The following FANCD2 variants were observed in gnomAD, a reference collection of about 807,000 sequenced individuals.
FANCD2 encodes the protein FA complementation group D2, also known as Fanconi anemia group D2 protein.
In FANCD2, 131 loss-of-function variants were observed where a neutral mutation model predicts 192.3. The ratio of observed to expected loss-of-function variants is 0.68; its 90% CI spans 0.59 to 0.79. The LOEUF (loss-of-function observed/expected upper bound fraction) is 0.79, where lower values mean the gene tolerates loss of function less well. Ranked by LOEUF, FANCD2 falls within the 30% of genes least tolerant of loss-of-function variation. FANCD2 has a pLI of 0.00. For synonymous variants in FANCD2, 524 were observed against 612.5 expected, an observed-to-expected ratio of 0.86 and a Z score of 2.13; for missense variants, 1,508 against 1,701.6, an observed-to-expected ratio of 0.89 and a Z score of 2.00.
chr3:10,063,769 A>G, intron 20 of FANCD2, 23 bp from the exon 21 acceptor site: 1 of 1,614,030 alleles, frequency 6.2e-7, no homozygotes. Flanking sequence ...CAAGGTTTAA[A>G]CCATTCTTCC....
At chr3:10,080,346 A>G (rs1043752099) in intron 30 of FANCD2, among the ~76,000 whole-genome samples, 3 of 152,114 alleles carry the variant, frequency 2.0e-5, no homozygotes, top group Non-Finnish European at 2.9e-5. Flanking sequence ...TAATCCTCCT[A>G]TCTCAGCCTC....
chr3:10,093,474 T>C (rs917682817), intron 39 of FANCD2, 151 bp downstream of exon 39: 3 of 753,650 alleles, frequency 4.0e-6, no homozygotes, highest in Non-Finnish European at 7.2e-6. Flanking sequence ...GGATGCATTT[T>C]CCCACCCTAG....
At position 10,060,379 on chromosome 3, in the gene FANCD2, T is replaced by C; in HGVS notation, c.1742T>C (p.Met581Thr). The change falls in exon 19 of 44, where the codon ATG becomes ACG. Residue 581 changes from methionine (M) to threonine (T), a missense_variant. Physicochemically the swap from Met to Thr is moderately conservative, Grantham distance 81. Around this residue, in one of 5 missense-constraint regions of FANCD2, gnomAD observed 110 missense variants for 114.4 expected, o/e 0.96. Transcript: ENST00000675286. ...KLIGIIGAVT[M>T]AGIMAADRSE... is the part of the protein sequence containing the mutation. ...ATTGGGATTATTGGTGCTGTGACCA[T>C]GGCTGGCATCATGGCGGCAGACAGG... The C allele has an allele frequency of 6.2e-7, 1 of 1,613,966 alleles. No homozygotes were observed.
intron 42 of FANCD2, among the ~76,000 whole-genome samples, chr3:10,096,879 A>C (rs1694997780): frequency 6.6e-6 from 1 of 152,190 alleles, no homozygotes. Flanking sequence ...ATTACAAATT[A>C]ATCTCTTATT....
intron 28 of FANCD2, 51 bp from the exon 29 acceptor site, chr3:10,074,479 A>G: frequency 1.3e-6 from 2 of 1,506,396 alleles, no homozygotes; most frequent in Non-Finnish European, 1.8e-6. Context: ...TTAAAATTCG[A>G]TTAATATAGA....
chr3:10,041,377 C>T, intron 9 of FANCD2: 1 of 428,736 alleles, frequency 2.3e-6, no homozygotes, highest in Non-Finnish European at 4.3e-6. Context: ...GTGGTGTTCT[C>T]TGGGTAGTGG....
In FANCD2 at chr3:10,087,140, C is replaced by T. The variant is rs953039787; in HGVS notation, c.3342C>T (p.Ser1114=). The part of the protein sequence containing the change: ...SQPLEELLSQ[S]VHYLQNFHQS... The stretch of plus-strand genomic sequence containing the variant: ...TTTTCTTGTCTCCTTACAGCCAGAG[C>T]GTCCATTACTTGCAGAATTTCCATC... Residue 1114 remains serine (S), a synonymous_variant, in exon 34 of 44, where the codon AGC becomes AGT. Coordinates refer to ENST00000675286, the MANE Select transcript of FANCD2 (RefSeq NM_001018115.3). The T allele has an allele frequency of 3.1e-6, 5 of 1,613,974 alleles. No homozygotes were observed. Among genetic ancestry groups the T allele is most frequent in the African/African-American group, 2.7e-5 (2 of 75,034 alleles).
intron 18 of FANCD2, among the ~76,000 whole-genome samples, chr3:10,054,369 G>GTA (rs1559383039): frequency 1.7e-4 from 13 of 77,838 alleles, no homozygotes; most frequent in African/African-American, 1.3e-3. Context: ...ATATATATAC[G>GTA]TGTATATACA....
intron 18 of FANCD2, among the ~76,000 whole-genome samples, chr3:10,054,912 A>G (rs2087364300): frequency 6.6e-6 from 1 of 151,982 alleles, no homozygotes; most frequent in African/African-American, 2.4e-5. Context: ...CAAAACATAT[A>G]GAAGAGTATT....
At chr3:10,033,775 A>G (rs1396680689) in intron 3 of FANCD2, among the ~76,000 whole-genome samples, 1 of 48,846 alleles carries the variant, frequency 2.0e-5, no homozygotes, top group East Asian at 6.4e-4. Context: ...ATCTCTGCTC[A>G]CTGCAAGCTC....
rs2087247418 is a variant in FANCD2 at position 10,052,500 on chromosome 3, A to G, written c.1656+3A>G. ...ATGAAGCCAGCAGCCACATCCAGGTAAGAGGCAATATGTTGGGAAAGATTT... is the reference window on the plus strand; with the variant it reads ...ATGAAGCCAGCAGCCACATCCAGGTGAGAGGCAATATGTTGGGAAAGATTT... On this transcript the variant is annotated splice_donor_region_variant and intron_variant, in intron 18 of 43. Coordinates refer to ENST00000675286, the MANE Select transcript of FANCD2 (RefSeq NM_001018115.3). The G allele has an allele frequency of 5.6e-6, 9 of 1,597,288 alleles. No individual in the cohort carries two copies. The highest frequency in any genetic ancestry group is 7.7e-6 in the Non-Finnish European group (9 of 1,167,002).
rs1327307891 is a variant in FANCD2, at chr3:10,095,291, G to A, written c.4038+17G>A. ...CATTCCAAGGTAAGAAGGGGAGCAG[G>A]TTCTATCAGCAGCCTGCCTGTTGGC... is the stretch of plus-strand genomic sequence containing the variant. On this transcript the variant is annotated intron_variant, in intron 41 of 43. Coordinates refer to ENST00000675286, the MANE Select transcript of FANCD2 (RefSeq NM_001018115.3). 6.2e-7 allele frequency: 1 copy of A among 1,610,444 alleles called. No individual in the cohort carries two copies. Among genetic ancestry groups the A allele is most frequent in the African/African-American group, 1.3e-5 (1 of 74,970 alleles).
chr3:10,065,252 G>A (rs961988230), intron 23 of FANCD2, 142 bp from the exon 24 acceptor site: 21 of 694,750 alleles, frequency 3.0e-5, no homozygotes, highest in Non-Finnish European at 4.7e-5. Flanking sequence ...TCGTGCCACT[G>A]CACTCCAGAC....
At chr3:10,062,090 G>T in intron 19 of FANCD2, 61 bp from the exon 20 acceptor site, 2 of 1,285,252 alleles carry the variant, frequency 1.6e-6, no homozygotes, top group Non-Finnish European at 2.2e-6. Flanking sequence ...TGCACGTTGT[G>T]CACATGTACC....
chr3:10,073,839 A>G (rs1177657043), intron 28 of FANCD2, among the ~76,000 whole-genome samples: 1 of 152,242 alleles, frequency 6.6e-6, no homozygotes, highest in Non-Finnish European at 1.5e-5. Context: ...GGAGGAAACT[A>G]AGATCCAGGG....
At chr3:10,035,304 G>A (rs542049671) in intron 6 of FANCD2, 71 bp downstream of exon 6, 19 of 1,306,546 alleles carry the variant, frequency 1.5e-5, no homozygotes, top group East Asian at 1.2e-4. Flanking sequence ...TCTAAATAGC[G>A]GGAACACAGG....
intron 7 of FANCD2, among the ~76,000 whole-genome samples, chr3:10,038,560 C>A (rs529586110): frequency 6.6e-6 from 1 of 150,744 alleles, no homozygotes; most frequent in South Asian, 2.1e-4. Flanking sequence ...TTCTATGTTC[C>A]CTTAGCAATA....
chr3:10,062,267 G>A, intron 20 of FANCD2, 56 bp downstream of exon 20: 1 of 1,381,652 alleles, frequency 7.2e-7, no homozygotes, highest in Non-Finnish European at 1.0e-6. Flanking sequence ...TTTTTAGAGA[G>A]TCTCGCTCTG....
chr3:10,086,555 C>T (rs1209159445), intron 33 of FANCD2, among the ~76,000 whole-genome samples: 2 of 151,998 alleles, frequency 1.3e-5, no homozygotes, highest in East Asian at 3.9e-4. Flanking sequence ...GATCCCAGCT[C>T]ACTGCACCCT....
Sources: allele counts gnomAD v4.1 joint callset (sites outside exome capture counted in the v4.1 genomes callset), GRCh38; gene constraint gnomAD v4.1.1; regional missense constraint gnomAD v4.1.1; transcripts MANE v1.5; gene names NCBI Gene and HGNC (gene_info 2026-07-23, HGNC 2026-07-21).